Variants in KCNIP4 observed in about 807,000 individuals in gnomAD.
KCNIP4 encodes the protein potassium voltage-gated channel interacting protein 4.
A neutral mutation model predicts 34.0 loss-of-function variants in KCNIP4; 12 were observed. The ratio of observed to expected loss-of-function variants is 0.35; its 90% CI spans 0.23 to 0.57. KCNIP4 has a LOEUF of 0.57. KCNIP4 is among the 20% of genes least tolerant of loss of function. KCNIP4 has a pLI of 0.83. For synonymous variants in KCNIP4, 124 were observed against 102.2 expected (o/e 1.21, Z -1.29); for missense variants, 238 against 311.7 (o/e 0.76, Z 1.78).
At chr4:21,171,833 A>AC (rs1754043602) in intron 1 of KCNIP4, among the ~76,000 whole-genome samples, 1 of 152,176 alleles carries the variant, frequency 6.6e-6, no homozygotes, top group African/African-American at 2.4e-5. Context: ...GTAGCTCTCA[A>AC]CAGCCTCCAA....
At chr4:21,868,240 C>T (rs1725548262) in intron 1 of KCNIP4, among the ~76,000 whole-genome samples, 1 of 152,100 alleles carries the variant, frequency 6.6e-6, no homozygotes, top group African/African-American at 2.4e-5. Context: ...AAGTTTAGGG[C>T]TTGAGAACAA....
chr4:21,527,006 T>C (rs1040308559), intron 1 of KCNIP4, among the ~76,000 whole-genome samples: 1 of 152,194 alleles, frequency 6.6e-6, no homozygotes, highest in Non-Finnish European at 1.5e-5. Flanking sequence ...CTGACAATAA[T>C]GCTTTAAGCT....
chr4:20,924,454 C>A (rs1244196443), intron 1 of KCNIP4, among the ~76,000 whole-genome samples: 1 of 152,108 alleles, frequency 6.6e-6, no homozygotes, highest in Non-Finnish European at 1.5e-5. Context: ...TTTCATTCCC[C>A]TTTATATATT....
intron 1 of KCNIP4, among the ~76,000 whole-genome samples, chr4:21,018,906 A>G (rs1560650734): frequency 6.6e-6 from 1 of 152,182 alleles, no homozygotes; most frequent in Non-Finnish European, 1.5e-5. Context: ...GTGTTGAGTT[A>G]AATTTCTGAA....
At chr4:21,046,240 G>C (rs887553804) in intron 1 of KCNIP4, among the ~76,000 whole-genome samples, 1 of 152,148 alleles carries the variant, frequency 6.6e-6, no homozygotes, top group African/African-American at 2.4e-5. Flanking sequence ...AACTCATAGA[G>C]GATGGCTCTG....
intron 1 of KCNIP4, among the ~76,000 whole-genome samples, chr4:21,192,921 ACTACT>A (rs1560797328): frequency 0.14 from 20,098 of 142,998 alleles, 1,635 homozygotes; most frequent in South Asian, 0.19. Context: ...CGTCTCTACT[ACTACT>A]ACTACTACTA....
intron 1 of KCNIP4, among the ~76,000 whole-genome samples, chr4:21,675,402 T>G (rs1269543574): frequency 6.6e-6 from 1 of 152,176 alleles, no homozygotes; most frequent in Non-Finnish European, 1.5e-5. Flanking sequence ...GTGATTATAG[T>G]CAACAATAAC....
At chr4:20,906,302 T>G (rs867356155) in intron 1 of KCNIP4, among the ~76,000 whole-genome samples, 2 of 152,084 alleles carry the variant, frequency 1.3e-5, no homozygotes, top group African/African-American at 4.8e-5. Context: ...CATCCGAAGA[T>G]CCATGTGCCC....
chr4:21,093,985 G>A (rs1043804361), intron 1 of KCNIP4, among the ~76,000 whole-genome samples: 2 of 152,080 alleles, frequency 1.3e-5, no homozygotes, highest in Non-Finnish European at 2.9e-5. Flanking sequence ...AGGAGGCTGA[G>A]GCAGGAGAAT....
chr4:21,205,402 G>T (rs1358742950), intron 1 of KCNIP4, among the ~76,000 whole-genome samples: 1 of 152,110 alleles, frequency 6.6e-6, no homozygotes, highest in East Asian at 1.9e-4. Context: ...TGAGATAAAA[G>T]CCAAGATGAT....
chr4:20,748,720 A>G (rs1397573787), intron 5 of KCNIP4, among the ~76,000 whole-genome samples: 1 of 149,782 alleles, frequency 6.7e-6, no homozygotes, highest in African/African-American at 2.4e-5. Context: ...TAACAAATAA[A>G]TGAGGTATAC....
intron 1 of KCNIP4, among the ~76,000 whole-genome samples, chr4:21,660,704 C>T (rs984321424): frequency 6.6e-6 from 1 of 152,144 alleles, no homozygotes; most frequent in African/African-American, 2.4e-5. Flanking sequence ...GTCCACTACT[C>T]TAAATTGTTA....
chr4:20,913,730 T>A lies in KCNIP4; in HGVS notation c.62-31021A>T, dbSNP rs1265497880. Among the ~76,000 whole-genome samples the A allele has an allele frequency of 2.0e-5, 3 of 152,224 alleles. No individual in the cohort carries two copies. The East Asian group carries it at 5.8e-4, about 29-fold the overall frequency. On this transcript the variant is annotated intron_variant, in intron 1 of 8. Transcript: ENST00000382152. ...GTCTTTCTTAAAATTCCTCTGTAGC[T>A]GACCAATTGTGAGCAAATTATTTAA... is the stretch of plus-strand genomic sequence containing the variant.
chr4:20,930,495 C>T (rs748464656), intron 1 of KCNIP4, among the ~76,000 whole-genome samples: 4 of 151,864 alleles, frequency 2.6e-5, no homozygotes, highest in African/African-American at 4.8e-5. Flanking sequence ...GCTACAGAAT[C>T]GAAAATAAAT....
chr4:21,654,841 G>A (rs1391969730), intron 1 of KCNIP4, among the ~76,000 whole-genome samples: 1 of 151,948 alleles, frequency 6.6e-6, no homozygotes, highest in African/African-American at 2.4e-5. Context: ...GGAGAATGGC[G>A]TGAACCTGGG....
At chr4:21,233,131 T>G (rs532289745) in intron 1 of KCNIP4, among the ~76,000 whole-genome samples, 44 of 152,278 alleles carry the variant, frequency 2.9e-4, no homozygotes, top group African/African-American at 1.0e-3. Context: ...TTAGCCAAAC[T>G]GGCCTGAAAT....
intron 1 of KCNIP4, among the ~76,000 whole-genome samples, chr4:21,085,167 C>T (rs1358758378): frequency 3.9e-5 from 6 of 151,990 alleles, no homozygotes; most frequent in Non-Finnish European, 7.4e-5. Flanking sequence ...TAGGTCACAA[C>T]GGAGGAGCTC....
At chr4:20,773,414 GA>G (rs1055811708) in intron 3 of KCNIP4, among the ~76,000 whole-genome samples, 2 of 152,148 alleles carry the variant, frequency 1.3e-5, no homozygotes, top group African/African-American at 4.8e-5. Flanking sequence ...TCTCAGGTGG[GA>G]CAGTAAAGCC....
intron 1 of KCNIP4, among the ~76,000 whole-genome samples, chr4:21,348,202 G>A (rs1233961138): frequency 6.6e-6 from 1 of 152,238 alleles, no homozygotes; most frequent in East Asian, 1.9e-4. Context: ...ATATGTGCAT[G>A]CATTTCCAGA....
Sources: gnomAD v4.1 joint callset for allele counts (sites outside exome capture counted in the v4.1 genomes callset) on GRCh38, gnomAD v4.1.1 for gene constraint, MANE v1.5 for transcripts, NCBI Gene and HGNC (gene_info 2026-07-23, HGNC 2026-07-21) for gene names.